The following KIAA0513 variants were observed in gnomAD, a reference collection of about 807,000 sequenced individuals.
The protein encoded by KIAA0513 is uncharacterized protein KIAA0513.
Under a neutral mutation model 56.5 loss-of-function variants are expected in KIAA0513, and 39 were observed. The observed-to-expected ratio is 0.69, with a 90% CI of 0.53 to 0.90. KIAA0513 has a LOEUF of 0.90. Among genes scored for constraint, KIAA0513 ranks in the 40% least tolerant of loss-of-function variants. The probability of loss-of-function intolerance (pLI) is 0.00; values close to 1 mark genes in which losing one functional copy is unlikely to be tolerated. For synonymous variants in KIAA0513, 268 were observed against 215.6 expected, an observed-to-expected ratio of 1.24 and a Z score of -2.13; for missense variants, 591 against 535.2, an observed-to-expected ratio of 1.10 and a Z score of -1.03.
chr16:85,082,616 G>C (rs776460536), intron 10 of KIAA0513, 23 bp downstream of exon 10: 17 of 1,613,928 alleles, frequency 1.1e-5, no homozygotes, highest in Non-Finnish European at 1.3e-5. Context: ...ACGTGACTTT[G>C]TTCCATTTTA....
rs141088633 is a variant in KIAA0513, at chr16:85,051,204, G to A, written c.-172-15696G>A. Among the ~76,000 whole-genome samples, 1,450 of 152,238 alleles carry A rather than the reference G, an allele frequency of 9.5e-3. 25 individuals carry two copies. Among genetic ancestry groups the A allele is most frequent in the African/African-American group, 0.033 (1,388 of 41,550 alleles). On this transcript the variant is annotated intron_variant, in intron 1 of 12. Transcript: ENST00000683363. ...GTTGAAGCCCTAGTTTTGTGAGGTC[G>A]TCTTCGTGGAGAACTTAATGCGTTT...
intron 1 of KIAA0513, among the ~76,000 whole-genome samples, chr16:85,034,390 C>T (rs72803562): frequency 0.034 from 5,199 of 152,078 alleles, 118 homozygotes; most frequent in Non-Finnish European, 0.053. Context: ...CAATAAACAG[C>T]GACAACAACA....
intron 1 of KIAA0513, among the ~76,000 whole-genome samples, chr16:85,043,810 A>T (rs924786361): frequency 1.4e-4 from 21 of 152,288 alleles, no homozygotes; most frequent in African/African-American, 4.8e-4. Context: ...AAGCGGGCGG[A>T]TCACCTGAGG....
At position 85,076,139 on chromosome 16, in the gene KIAA0513, G is replaced by A. The variant is rs932608243; in HGVS notation, c.574+225G>A. Among the ~76,000 whole-genome samples, 1 of 151,604 alleles carries A rather than the reference G, an allele frequency of 6.6e-6. No homozygotes were observed. Among genetic ancestry groups the A allele is most frequent in the Non-Finnish European group, 1.5e-5 (1 of 68,026 alleles). ...CGAAGGAAACTCTCCTGGGGCAGTA[G>A]GTTGACTGACCAGGGTGCAAAGGAA... On this transcript the variant is annotated intron_variant, in intron 5 of 12. Coordinates refer to ENST00000683363, the MANE Select transcript of KIAA0513 (RefSeq NM_001388359.1). The surrounding 1 kb of genome is among the most constrained non-coding windows in gnomAD (Gnocchi z 4.7).
chr16:85,051,816 C>G (rs994775265), intron 1 of KIAA0513, among the ~76,000 whole-genome samples: 1 of 151,268 alleles, frequency 6.6e-6, no homozygotes, highest in African/African-American at 2.4e-5. Flanking sequence ...CCTTTTCCCT[C>G]TCATGTTTTT....
Position 85,076,021 on chromosome 16 carries a change from C to T in KIAA0513, c.574+107C>T. 2 of 802,778 alleles carry T rather than the reference C, an allele frequency of 2.5e-6. No homozygotes were observed. Among genetic ancestry groups the T allele is most frequent in the South Asian group, 2.9e-5 (2 of 69,034 alleles). The allele number at this position is 802,778 out of a possible 1,614,324, so 49.7% of individuals were successfully genotyped here. A position where few individuals can be genotyped will look rare whatever the true frequency, so the allele number is the denominator to read the frequency against. On this transcript the variant is annotated intron_variant, in intron 5 of 12. Coordinates refer to ENST00000683363, the MANE Select transcript of KIAA0513 (RefSeq NM_001388359.1). This position sits in a 1 kb window ranked among gnomAD's most constrained non-coding sequence, Gnocchi z 4.7. ...ATAAAAAGCAAAAGCTATGGGGCCT[C>T]CAGAGAACAGAGGAAGCTGATGTTA...
chr16:85,029,503 CTT>C (rs2072933577), intron 1 of KIAA0513, among the ~76,000 whole-genome samples: 1 of 152,256 alleles, frequency 6.6e-6, no homozygotes, highest in Non-Finnish European at 1.5e-5. Flanking sequence ...ATGTGGCTCT[CTT>C]TTCACGACAA....
chr16:85,036,308 AC>A (rs201534338), intron 1 of KIAA0513, among the ~76,000 whole-genome samples: 178 of 152,204 alleles, frequency 1.2e-3, no homozygotes, highest in African/African-American at 4.1e-3. Context: ...CATCAACGAA[AC>A]CCCTTTCCCA....
At chr16:85,043,455 A>G (rs2073130175) in intron 1 of KIAA0513, among the ~76,000 whole-genome samples, 1 of 124,744 alleles carries the variant, frequency 8.0e-6, no homozygotes. Context: ...TCCATCACCC[A>G]GGCTGGAGTG....
intron 8 of KIAA0513, among the ~76,000 whole-genome samples, chr16:85,080,004 C>G (rs1425695212): frequency 2.0e-5 from 3 of 152,330 alleles, no homozygotes; most frequent in South Asian, 2.1e-4. Flanking sequence ...CGGGCCCTCC[C>G]TCCCCTGAAG....
intron 1 of KIAA0513, among the ~76,000 whole-genome samples, chr16:85,059,142 T>C (rs8056742): frequency 0.21 from 31,510 of 152,140 alleles, 5,001 homozygotes; most frequent in African/African-American, 0.45. Context: ...CTTAGTAGTC[T>C]GAAACAGCCA....
At position 85,071,826 on chromosome 16, in the gene KIAA0513, T is replaced by A. The variant is rs772950972; in HGVS notation, c.373T>A (p.Cys125Ser). The A allele has an allele frequency of 3.1e-6, 5 of 1,609,688 alleles. No individual in the cohort carries two copies. In the African/African-American group the frequency reaches 6.8e-5, roughly 22 times the overall value. ...QEEKAKFGEY[C>S]SSENGKGREW... is the part of the protein sequence containing the mutation. ...GGAGAAAGCCAAGTTTGGAGAGTAC[T>A]GCAGCAGTGAAAATGGAAAAGGCCG... Residue 125 changes from cysteine to serine, a missense_variant, in exon 3 of 13, where the codon TGC becomes AGC. By Grantham distance (112) the Cys-to-Ser change is moderately radical. Coordinates refer to ENST00000683363, the MANE Select transcript of KIAA0513 (RefSeq NM_001388359.1).
chr16:85,083,470 A>G (rs1597647586), intron 10 of KIAA0513, among the ~76,000 whole-genome samples: 1 of 151,806 alleles, frequency 6.6e-6, no homozygotes, highest in Non-Finnish European at 1.5e-5. Flanking sequence ...ACCTCCTTTC[A>G]TGAACAAAGC....
At chr16:85,052,620 A>T (rs2073270287) in intron 1 of KIAA0513, among the ~76,000 whole-genome samples, 1 of 152,202 alleles carries the variant, frequency 6.6e-6, no homozygotes, top group African/African-American at 2.4e-5. Context: ...GGACGTGGCT[A>T]ACCACAGTAC....
At chr16:85,074,344 A>G (rs1425751190) in intron 4 of KIAA0513, among the ~76,000 whole-genome samples, 1 of 102,724 alleles carries the variant, frequency 9.7e-6, no homozygotes, top group Non-Finnish European at 2.0e-5. Flanking sequence ...ATACACACAT[A>G]CACACACACA....
At chr16:85,078,328 CCA>C in intron 6 of KIAA0513, 85 bp from the exon 7 acceptor site, 3 of 1,436,212 alleles carry the variant, frequency 2.1e-6, no homozygotes, top group Non-Finnish European at 2.9e-6. Flanking sequence ...GTACCCAGTC[CCA>C]CCTTAGAAGT....
chr16:85,029,247 C>T (rs745619080), intron 1 of KIAA0513, among the ~76,000 whole-genome samples: 3 of 152,126 alleles, frequency 2.0e-5, no homozygotes, highest in East Asian at 1.9e-4. Context: ...ATGAAGATGG[C>T]GTGGGACTCA....
chr16:85,034,927 T>C (rs1173082617), intron 1 of KIAA0513, among the ~76,000 whole-genome samples: 11 of 152,190 alleles, frequency 7.2e-5, no homozygotes, highest in African/African-American at 2.7e-4. Flanking sequence ...CTGCCTCTCC[T>C]GAGAAAGTGC....
chr16:85,054,873 C>G (rs528996265), intron 1 of KIAA0513, among the ~76,000 whole-genome samples: 1 of 151,918 alleles, frequency 6.6e-6, no homozygotes, highest in East Asian at 1.9e-4. Context: ...TGGACGTATT[C>G]GCTTTGTGAG....
Sources: allele counts gnomAD v4.1 joint callset (sites outside exome capture counted in the v4.1 genomes callset), GRCh38; gene constraint gnomAD v4.1.1; non-coding constraint Gnocchi (gnomAD v3.1); transcripts MANE v1.5; gene names NCBI Gene and HGNC (gene_info 2026-07-23, HGNC 2026-07-21).